The following DLAT variants were observed in gnomAD, a reference collection of about 807,000 sequenced individuals.
The protein encoded by DLAT is dihydrolipoyllysine-residue acetyltransferase component of pyruvate dehydrogenase complex, mitochondrial.
DLAT carries 43 observed loss-of-function variants against 68.0 expected under a neutral mutation model. The ratio of observed to expected loss-of-function variants is 0.63; its 90% confidence interval spans 0.50 to 0.81. The LOEUF (loss-of-function observed/expected upper bound fraction) is 0.81. Ranked by LOEUF, DLAT falls within the 40% of genes least tolerant of loss-of-function variation. The probability of loss-of-function intolerance (pLI) is 0.00; values close to 1 mark genes in which losing one functional copy is unlikely to be tolerated. For synonymous variants in DLAT, 265 were observed against 288.6 expected (o/e 0.92, Z 0.83); for missense variants, 745 against 815.4 (o/e 0.91, Z 1.05).
In DLAT at chr11:112,051,409, T is replaced by C. The variant is rs1566630826; in HGVS notation, c.1514+60T>C. 1 of 1,203,924 alleles carries C rather than the reference T, an allele frequency of 8.3e-7. No homozygotes were observed. Among genetic ancestry groups the C allele is most frequent in the Non-Finnish European group, 1.2e-6 (1 of 813,248 alleles). The allele number at this position is 1,203,924 out of a possible 1,614,324, so 74.6% of individuals were successfully genotyped here. The stretch of plus-strand genomic sequence containing the variant: ...TAGTTTTCTTGTATTATTTAATGTG[T>C]GAGTGGAGTTGAGGGGATAAGGAGA... On this transcript the variant is annotated intron_variant, in intron 11 of 13. Transcript: ENST00000280346. The surrounding 1 kb of genome is among the most constrained non-coding windows in gnomAD (Gnocchi z 4.3).
intron 4 of DLAT, chr11:112,029,937 A>G (rs1862304593): frequency 1.2e-6 from 1 of 812,800 alleles, no homozygotes; most frequent in South Asian, 1.3e-5. Flanking sequence ...TCCATCAGTG[A>G]TTTTTCCAAA....
rs1862250147 is a variant in DLAT at position 112,028,984 on chromosome 11, C to G, written c.660+39C>G. 8.1e-6 allele frequency: 13 copies of G among 1,611,850 alleles called. No homozygotes were observed. In the Middle Eastern group the frequency reaches 1.5e-3, roughly 186 times the overall value. ...TCTGAGTTTTTGCTCTAGGTGATTA[C>G]TTACTTACTCACTTTTTTTCATAGA... On this transcript the variant is annotated intron_variant, in intron 4 of 13. Coordinates refer to ENST00000280346, the MANE Select transcript of DLAT (RefSeq NM_001931.5).
At chr11:112,047,049 C>T (rs1437177026) in intron 10 of DLAT, among the ~76,000 whole-genome samples, 1 of 152,224 alleles carries the variant, frequency 6.6e-6, no homozygotes, top group Non-Finnish European at 1.5e-5. Context: ...GCCACACTGT[C>T]TTCCACAATG....
chr11:112,044,633 T>TG (rs1555181285), intron 8 of DLAT, among the ~76,000 whole-genome samples: 1 of 151,956 alleles, frequency 6.6e-6, no homozygotes, highest in Non-Finnish European at 1.5e-5. Context: ...CAAAGAAAAA[T>TG]GACACTTAAA....
chr11:112,035,305 C>G (rs587730609), intron 5 of DLAT, among the ~76,000 whole-genome samples: 8 of 152,110 alleles, frequency 5.3e-5, no homozygotes, highest in African/African-American at 1.9e-4. Context: ...TTGTGCTTCC[C>G]CATAAATTTT....
rs922110741 is a variant in DLAT, at chr11:112,039,509, G to A, written c.1129+112G>A. On this transcript the variant is annotated intron_variant, in intron 7 of 13. Transcript: ENST00000280346. Reference sequence around the variant, plus strand: ...GCCGTACTTATAATTGGGATAGTAGGGACAATCATTAATAATTCCTTCAGA... The same window carrying A: ...GCCGTACTTATAATTGGGATAGTAGAGACAATCATTAATAATTCCTTCAGA... The A allele has an allele frequency of 9.0e-5, 101 of 1,117,862 alleles. 1 individual carries two copies. The highest frequency in any genetic ancestry group is 1.3e-4 in the Non-Finnish European group (94 of 748,172). The allele number at this position is 1,117,862 out of a possible 1,614,324, so 69.2% of individuals were successfully genotyped here.
intron 4 of DLAT, chr11:112,030,298 C>A: frequency 1.8e-6 from 1 of 546,950 alleles, no homozygotes; most frequent in Admixed American, 2.0e-5. Flanking sequence ...GTGCGGCCAA[C>A]TTCCTGACTG....
intron 11 of DLAT, among the ~76,000 whole-genome samples, chr11:112,058,125 A>C (rs1012749965): frequency 6.6e-6 from 1 of 152,202 alleles, no homozygotes; most frequent in Non-Finnish European, 1.5e-5. Context: ...CTAACCAAAC[A>C]CCATTCATTT....
intron 13 of DLAT, 123 bp from the exon 14 acceptor site, chr11:112,062,283 G>C: frequency 1.9e-6 from 2 of 1,034,078 alleles, no homozygotes; most frequent in Non-Finnish European, 2.9e-6. Context: ...TAGGAGACTG[G>C]AAGAGTAGAT....
chr11:112,031,882 C>A (rs1555179981), intron 4 of DLAT, among the ~76,000 whole-genome samples: 2 of 111,016 alleles, frequency 1.8e-5, no homozygotes, highest in Non-Finnish European at 3.5e-5. Context: ...GCTGGTCTTT[C>A]CTGTTTTTTT....
intron 5 of DLAT, among the ~76,000 whole-genome samples, chr11:112,035,672 A>G (rs1467444653): frequency 5.9e-5 from 9 of 151,516 alleles, no homozygotes; most frequent in Admixed American, 3.3e-4. Context: ...TATTTTTAGT[A>G]GAAATGTGGT....
chr11:112,029,087 G>A (rs1862256107), intron 4 of DLAT, 142 bp downstream of exon 4: 1 of 919,900 alleles, frequency 1.1e-6, no homozygotes. Context: ...TAAACATGAA[G>A]ATTGACAACT....
chr11:112,026,758 C>G (rs1555179310), intron 2 of DLAT, among the ~76,000 whole-genome samples: 1 of 152,186 alleles, frequency 6.6e-6, no homozygotes, highest in Non-Finnish European at 1.5e-5. Context: ...CAATCTTTTC[C>G]CCACCTTTCC....
chr11:112,034,721 C>T (rs782647497), intron 5 of DLAT, among the ~76,000 whole-genome samples: 6 of 151,806 alleles, frequency 4.0e-5, no homozygotes, highest in Admixed American at 6.6e-5. Flanking sequence ...GGATTACAGG[C>T]GTGAGCCATG....
chr11:112,052,635 G>A (rs1863719766), intron 11 of DLAT, among the ~76,000 whole-genome samples: 1 of 152,194 alleles, frequency 6.6e-6, no homozygotes, highest in Admixed American at 6.5e-5. Context: ...CACTTCCACA[G>A]TTCAGCAACT....
At chr11:112,036,199 GTGTTTTTTT>G (rs1862750681) in intron 5 of DLAT, among the ~76,000 whole-genome samples, 25 of 51,896 alleles carry the variant, frequency 4.8e-4, no homozygotes, top group East Asian at 9.9e-4. Context: ...GTGTGTGTGT[GTGTTTTTTT>G]TTTTTTTTTT....
rs1862233013 is a variant in DLAT at position 112,028,834 on chromosome 11, C to T, written c.549C>T (p.Ser183=). The T allele has an allele frequency of 6.2e-7, 1 of 1,614,108 alleles. No individual in the cohort carries two copies. The highest frequency in any genetic ancestry group is 1.6e-4 in the Middle Eastern group (1 of 6,062). ...IEAFKNYTLD[S]SAAPTPQAAP... ...CCTTTAAAAATTATACACTGGATTC[C>T]TCAGCAGCACCTACCCCACAAGCGG... is the stretch of plus-strand genomic sequence containing the variant. Residue 183 remains serine, a synonymous_variant, in exon 4 of 14, where the codon TCC becomes TCT. Coordinates refer to ENST00000280346, the MANE Select transcript of DLAT (RefSeq NM_001931.5).
intron 6 of DLAT, 43 bp from the exon 7 acceptor site, chr11:112,039,201 T>C: frequency 6.2e-7 from 1 of 1,607,386 alleles, no homozygotes; most frequent in Non-Finnish European, 8.5e-7. Context: ...AGACCAGTCT[T>C]TGAAGTGGTG....
intron 11 of DLAT, among the ~76,000 whole-genome samples, chr11:112,052,788 G>A (rs916104493): frequency 6.6e-6 from 1 of 152,092 alleles, no homozygotes; most frequent in Non-Finnish European, 1.5e-5. Context: ...TCAGTGGGTA[G>A]AGCTAAAAGT....
Sources: allele counts gnomAD v4.1 joint callset (sites outside exome capture counted in the v4.1 genomes callset), GRCh38; gene constraint gnomAD v4.1.1; non-coding constraint Gnocchi (gnomAD v3.1); transcripts MANE v1.5; gene names NCBI Gene and HGNC (gene_info 2026-07-23, HGNC 2026-07-21).